SLC24A2: variants seen among roughly 807,000 people sequenced by gnomAD.
SLC24A2 encodes the protein sodium/potassium/calcium exchanger 2.
A neutral mutation model predicts 62.0 loss-of-function variants in SLC24A2; 36 were observed. That is an observed-to-expected ratio of 0.58 (90% CI 0.44 to 0.77). SLC24A2 has a LOEUF of 0.77. Among genes scored for constraint, SLC24A2 ranks in the 30% least tolerant of loss-of-function variants. The pLI, the probability that SLC24A2 is intolerant of heterozygous loss-of-function variation, is 0.00. For synonymous variants in SLC24A2, 358 were observed against 294.0 expected (o/e 1.22, Z -2.23); for missense variants, 846 against 817.9 (o/e 1.03, Z -0.42).
chr9:19,809,948 C>G, the SLC24A2 span, among the ~76,000 whole-genome samples: 1 of 152,096 alleles, frequency 6.6e-6, no homozygotes, highest in Admixed American at 6.5e-5. Context: ...CTAAATTTTC[C>G]TGGTGCCAGA....
chr9:19,905,663 G>A, the SLC24A2 span, among the ~76,000 whole-genome samples: 3 of 151,894 alleles, frequency 2.0e-5, no homozygotes, highest in Non-Finnish European at 4.4e-5. Context: ...CCAAAGTGCT[G>A]GGATTACAGG....
chr9:20,045,972 T>G, the SLC24A2 span, among the ~76,000 whole-genome samples: 1 of 152,184 alleles, frequency 6.6e-6, no homozygotes, highest in Non-Finnish European at 1.5e-5. Context: ...GCAAAGGACC[T>G]GTGCCTTAGC....
At chr9:19,769,536 ACAC>A (rs1822621292) in intron 2 of SLC24A2, among the ~76,000 whole-genome samples, 2 of 152,244 alleles carry the variant, frequency 1.3e-5, no homozygotes, top group Non-Finnish European at 2.9e-5. Context: ...ATGCCTGCAG[ACAC>A]CATGAGGTAA....
At chr9:20,050,150 A>G in the SLC24A2 span, among the ~76,000 whole-genome samples, 10 of 149,614 alleles carry the variant, frequency 6.7e-5, no homozygotes, top group South Asian at 2.1e-3. Context: ...CAACATCAGA[A>G]TTGTCACTCT....
chr9:19,900,211 T>C, the SLC24A2 span, among the ~76,000 whole-genome samples: 1 of 152,356 alleles, frequency 6.6e-6, no homozygotes, highest in South Asian at 2.1e-4. Context: ...GCTCTATTTA[T>C]TTATTCATTT....
the SLC24A2 span, among the ~76,000 whole-genome samples, chr9:20,022,008 G>A: frequency 6.6e-6 from 1 of 152,074 alleles, no homozygotes; most frequent in Admixed American, 6.6e-5. Flanking sequence ...TTCTTCCAAT[G>A]CCTCCCCTAA....
chr9:20,269,565 T>C, the SLC24A2 span, among the ~76,000 whole-genome samples: 1 of 152,328 alleles, frequency 6.6e-6, no homozygotes, highest in South Asian at 2.1e-4. Flanking sequence ...CTCCGTTTCA[T>C]CTGCTTTTCA....
At chr9:20,244,092 A>C in the SLC24A2 span, among the ~76,000 whole-genome samples, 1 of 152,214 alleles carries the variant, frequency 6.6e-6, no homozygotes, top group African/African-American at 2.4e-5. Flanking sequence ...AGTCTGGGCC[A>C]CTTTGGACTA....
the SLC24A2 span, among the ~76,000 whole-genome samples, chr9:19,923,276 T>C: frequency 6.6e-6 from 1 of 152,196 alleles, no homozygotes; most frequent in Admixed American, 6.5e-5. Flanking sequence ...TGAATTTCTT[T>C]CATATTTTAA....
chr9:19,542,453 C>G (rs1397689758), intron 8 of SLC24A2, among the ~76,000 whole-genome samples: 1 of 152,182 alleles, frequency 6.6e-6, no homozygotes, highest in Non-Finnish European at 1.5e-5. Context: ...CCTGATTGCC[C>G]TGGCCAGAAC....
the SLC24A2 span, among the ~76,000 whole-genome samples, chr9:20,210,517 A>T: frequency 6.6e-6 from 1 of 151,940 alleles, no homozygotes; most frequent in African/African-American, 2.4e-5. Flanking sequence ...TCTGTCGCCC[A>T]GGCTGGAGTG....
chr9:20,260,958 C>A, the SLC24A2 span, among the ~76,000 whole-genome samples: 103 of 149,544 alleles, frequency 6.9e-4, no homozygotes, highest in Non-Finnish European at 1.1e-3. Context: ...CGGGTTCAAG[C>A]GATTCTCCTG....
At chr9:19,582,726 A>T (rs1384678939) in intron 5 of SLC24A2, among the ~76,000 whole-genome samples, 1 of 151,992 alleles carries the variant, frequency 6.6e-6, no homozygotes, top group African/African-American at 2.4e-5. Context: ...TTAGGCATAG[A>T]CTTCAGTTAA....
the SLC24A2 span, among the ~76,000 whole-genome samples, chr9:19,800,782 T>G: frequency 6.6e-6 from 1 of 152,236 alleles, no homozygotes; most frequent in East Asian, 1.9e-4. Context: ...GACATAATTA[T>G]GCACATATCT....
intron 7 of SLC24A2, among the ~76,000 whole-genome samples, chr9:19,566,335 T>G (rs1254109366): frequency 6.7e-6 from 1 of 149,786 alleles, no homozygotes; most frequent in African/African-American, 2.5e-5. Flanking sequence ...AGAAGACATT[T>G]ATGCAGCCAA....
rs764572548 is a variant in SLC24A2 at position 19,619,494 on chromosome 9, T to C, written c.1078+90A>G. 137 of 1,039,844 alleles carry C rather than the reference T, an allele frequency of 1.3e-4. 2 individuals are homozygous for C. Among genetic ancestry groups the C allele is most frequent in the Non-Finnish European group, 1.6e-4 (107 of 656,620 alleles). 64.4% of individuals were successfully genotyped at this position (1,039,844 alleles called of 1,614,324 possible). ...ACAAGAGGAGGCTGGCAGGCGTGCA[T>C]GACGACAGCACAAACACGTTTTATG... is the stretch of plus-strand genomic sequence containing the variant. On this transcript the variant is annotated intron_variant, in intron 4 of 10. Coordinates refer to ENST00000341998, the MANE Select transcript of SLC24A2 (RefSeq NM_020344.4).
the SLC24A2 span, among the ~76,000 whole-genome samples, chr9:20,295,085 C>T: frequency 4.0e-5 from 6 of 151,158 alleles, no homozygotes; most frequent in Admixed American, 6.6e-5. Flanking sequence ...CACACACATA[C>T]ACAGTGTGTA....
At chr9:19,753,112 C>T (rs1484362839) in intron 2 of SLC24A2, among the ~76,000 whole-genome samples, 1 of 152,170 alleles carries the variant, frequency 6.6e-6, no homozygotes, top group African/African-American at 2.4e-5. Context: ...TTTGCATACT[C>T]TAGCTGGATG....
chr9:20,137,787 C>T, the SLC24A2 span, among the ~76,000 whole-genome samples: 1 of 152,158 alleles, frequency 6.6e-6, no homozygotes, highest in African/African-American at 2.4e-5. Context: ...AATAGCCTCA[C>T]ATGTTGAATG....
Sources: gnomAD v4.1 joint callset for allele counts (sites outside exome capture counted in the v4.1 genomes callset) on GRCh38, gnomAD v4.1.1 for gene constraint, MANE v1.5 for transcripts, NCBI Gene and HGNC (gene_info 2026-07-23, HGNC 2026-07-21) for gene names.